AKAP8L: variants seen among roughly 807,000 people sequenced by gnomAD.
The protein encoded by AKAP8L is A-kinase anchor protein 8-like.
Under a neutral mutation model 77.5 loss-of-function variants are expected in AKAP8L, and 34 were observed. That is an observed-to-expected ratio of 0.44 (90% confidence interval 0.33 to 0.58). The LOEUF is 0.58. AKAP8L is among the 20% of genes least tolerant of loss of function. The pLI is 0.02. For synonymous variants in AKAP8L, 342 were observed against 340.7 expected (o/e 1.00, Z -0.04); for missense variants, 806 against 887.6 (o/e 0.91, Z 1.17).
Position 15,403,826 on chromosome 19 carries a change from G to A in AKAP8L, c.122-111C>T, listed in dbSNP as rs1967948351. The A allele has an allele frequency of 2.7e-6, 3 of 1,106,504 alleles. No homozygotes were observed. The highest frequency in any genetic ancestry group is 4.1e-4 in the Middle Eastern group (2 of 4,896). 68.5% of individuals were successfully genotyped at this position (1,106,504 alleles called of 1,614,324 possible). A position where few individuals can be genotyped will look rare whatever the true frequency, so the allele number is the denominator to read the frequency against. ...GGTATCTTCTGTCACAGAGAGAGAA[G>A]ACCCTAGCCACTGAAGCTAGATGGG... On this transcript the variant is annotated intron_variant, in intron 3 of 13. Transcript: ENST00000397410. This position sits in a 1 kb window ranked among gnomAD's most constrained non-coding sequence, Gnocchi z 4.3.
Position 15,380,510 on chromosome 19 carries a change from G to GCCT in AKAP8L, c.1632+4_1632+6dup. The GCCT allele has an allele frequency of 6.2e-7, 1 of 1,613,824 alleles. No homozygotes were observed. The highest frequency in any genetic ancestry group is 2.2e-5 in the East Asian group (1 of 44,882). ...GGGGACAGGGCAGGCCCGGACCAGT[G>GCCT]CCTCACCTTCAGGTAGCGCTCCAGC... is the stretch of plus-strand genomic sequence containing the variant. On this transcript the variant is annotated splice_region_variant and intron_variant, in intron 13 of 13. Transcript: ENST00000397410.
Position 15,403,697 on chromosome 19 carries a change from T to G in AKAP8L, c.140A>C (p.Tyr47Ser), listed in dbSNP as rs530480401. The stretch of plus-strand genomic sequence containing the variant: ...GTTATCCTGGCCATAGCCATAGCCA[T>G]AGCCATAGCCCTCGTAGCCTGCAGT... Reference protein sequence around the residue: ...GTNRGYEGYGYGYGYGQDNTT... With the variant: ...GTNRGYEGYGSGYGYGQDNTT... Residue 47 changes from tyrosine to serine, a missense_variant, in exon 4 of 14, where the codon TAT becomes TCT. By Grantham distance (144) the Tyr-to-Ser change is moderately radical. Coordinates refer to ENST00000397410, the MANE Select transcript of AKAP8L (RefSeq NM_014371.4). This position sits in a 1 kb window ranked among gnomAD's most constrained non-coding sequence, Gnocchi z 4.3. 1.3e-6 allele frequency: 2 copies of G among 1,594,202 alleles called. No individual in the cohort carries two copies. Among genetic ancestry groups the G allele is most frequent in the Non-Finnish European group, 1.7e-6 (2 of 1,170,174 alleles).
chr19:15,389,640 G>A (rs1188080392), intron 12 of AKAP8L, among the ~76,000 whole-genome samples: 1 of 152,146 alleles, frequency 6.6e-6, no homozygotes, highest in Non-Finnish European at 1.5e-5. Flanking sequence ...GCATGGTGGT[G>A]TGCACCTGTA....
chr19:15,416,354 G>A (rs1012233656), intron 1 of AKAP8L, among the ~76,000 whole-genome samples: 1 of 152,168 alleles, frequency 6.6e-6, no homozygotes, highest in Admixed American at 6.5e-5. Context: ...ATGACTGAGT[G>A]TGACTTCTGG....
At chr19:15,411,582 C>T (rs1168538475) in intron 1 of AKAP8L, among the ~76,000 whole-genome samples, 2 of 152,090 alleles carry the variant, frequency 1.3e-5, no homozygotes, top group Non-Finnish European at 2.9e-5. Flanking sequence ...TATGATTGCG[C>T]CACTGCATTC....
In AKAP8L at chr19:15,397,696, T is replaced by C. The variant is rs779190730; in HGVS notation, c.1299+18A>G. The stretch of plus-strand genomic sequence containing the variant: ...GGGTCCAAGAAACTAAGAGCGGCTG[T>C]GTTACTCCAAGGCTCACCTGCAGAA... On this transcript the variant is annotated intron_variant, in intron 10 of 13. Coordinates refer to ENST00000397410, the MANE Select transcript of AKAP8L (RefSeq NM_014371.4). The surrounding 1 kb of genome is among the most constrained non-coding windows in gnomAD (Gnocchi z 4.7). 1.2e-5 allele frequency: 19 copies of C among 1,613,852 alleles called. No individual in the cohort carries two copies. Among genetic ancestry groups the C allele is most frequent in the Non-Finnish European group, 1.6e-5 (19 of 1,179,850 alleles).
chr19:15,387,699 G>A (rs1003583844), intron 12 of AKAP8L, among the ~76,000 whole-genome samples: 2 of 152,166 alleles, frequency 1.3e-5, no homozygotes, highest in African/African-American at 4.8e-5. Context: ...AGTGGCTGAC[G>A]CCTGTAATCC....
In AKAP8L at chr19:15,401,363, C is replaced by A. The variant is rs1385255976; in HGVS notation, c.603G>T (p.Trp201Cys). 1 of 1,613,216 alleles carries A rather than the reference C, an allele frequency of 6.2e-7. No individual in the cohort carries two copies. The highest frequency in any genetic ancestry group is 8.5e-7 in the Non-Finnish European group (1 of 1,179,840). Reference sequence around the variant, plus strand: ...GGCCCCGGGCCCCCATGGGGTCTTCCCACATGCGCCCATAGCCTGAGGCCA... The same window carrying A: ...GGCCCCGGGCCCCCATGGGGTCTTCACACATGCGCCCATAGCCTGAGGCCA... Reference protein sequence around the residue: ...RPMASGYGRMWEDPMGARGQC... With the variant: ...RPMASGYGRMCEDPMGARGQC... The change falls in exon 5 of 14, where the codon TGG (tryptophan) becomes TGT (cysteine). Residue 201 changes from tryptophan to cysteine, a missense_variant. Trp to Cys is a radical substitution (Grantham distance 215). Around this residue, in one of 2 missense-constraint regions of AKAP8L, gnomAD observed 580 missense variants for 694.1 expected, o/e 0.84. Coordinates refer to ENST00000397410, the MANE Select transcript of AKAP8L (RefSeq NM_014371.4). This position sits in a 1 kb window ranked among gnomAD's most constrained non-coding sequence, Gnocchi z 6.2.
At position 15,388,871 on chromosome 19, in the gene AKAP8L, G is replaced by C. The variant is rs1288516803; in HGVS notation, c.1537-8259C>G. 2.3e-4 allele frequency among the ~76,000 whole-genome samples: 35 copies of C among 150,298 alleles called. No individual in the cohort carries two copies. In the Admixed American group the frequency reaches 2.3e-3, roughly 10 times the overall value. ...GCGGAGCTTGCAGTGAGCCGAGATC[G>C]CGCCACTGCACTCCAGCCTGGGCGA... On this transcript the variant is annotated intron_variant, in intron 12 of 13. Coordinates refer to ENST00000397410, the MANE Select transcript of AKAP8L (RefSeq NM_014371.4).
chr19:15,414,731 GCCCA>G (rs1307740634), intron 1 of AKAP8L, among the ~76,000 whole-genome samples: 1 of 151,850 alleles, frequency 6.6e-6, no homozygotes, highest in Non-Finnish European at 1.5e-5. Flanking sequence ...CTCGTGATCC[GCCCA>G]CCTCGGCCTC....
intron 12 of AKAP8L, among the ~76,000 whole-genome samples, chr19:15,394,416 A>G (rs1967726580): frequency 6.6e-6 from 1 of 152,194 alleles, no homozygotes; most frequent in Non-Finnish European, 1.5e-5. Flanking sequence ...GGAGGAGGAC[A>G]AGAGGTTGGG....
At chr19:15,382,353 C>T (rs1967437152) in intron 12 of AKAP8L, among the ~76,000 whole-genome samples, 2 of 152,056 alleles carry the variant, frequency 1.3e-5, no homozygotes, top group African/African-American at 4.8e-5. Context: ...GGGCACGCAC[C>T]ACCACACCCA....
chr19:15,400,017 G>C, intron 8 of AKAP8L: 1 of 547,856 alleles, frequency 1.8e-6, no homozygotes, highest in South Asian at 2.3e-5. Context: ...CGTGCCTGGG[G>C]TTCCCCACAC....
rs748987407 is a variant in AKAP8L, at chr19:15,397,878, G to A, written c.1158-23C>T. On this transcript the variant is annotated intron_variant, in intron 9 of 13. Transcript: ENST00000397410. This position sits in a 1 kb window ranked among gnomAD's most constrained non-coding sequence, Gnocchi z 4.7. ...ATCCTGCCACAGGAAGGAAACGAGG[G>A]GCTGAGGCTGCAAGTGTCCCAGGGG... 1.2e-6 allele frequency: 2 copies of A among 1,610,744 alleles called. No homozygotes were observed. Among genetic ancestry groups the A allele is most frequent in the Admixed American group, 3.4e-5 (2 of 59,390 alleles).
At chr19:15,395,035 C>CTT (rs1035635061) in intron 12 of AKAP8L, among the ~76,000 whole-genome samples, 1 of 143,712 alleles carries the variant, frequency 7.0e-6, no homozygotes. Context: ...TATTTTCCAA[C>CTT]TTTTTTTTTT....
chr19:15,388,278 T>C (rs1967582734), intron 12 of AKAP8L, among the ~76,000 whole-genome samples: 2 of 151,966 alleles, frequency 1.3e-5, no homozygotes, highest in Non-Finnish European at 2.9e-5. Context: ...GGGGGATCAG[T>C]GCCCAGAGTT....
chr19:15,397,934 C>A lies in AKAP8L; in HGVS notation c.1158-79G>T, dbSNP rs746480699. ...GCTGCCGCCTCACCCAACCCAGACA[C>A]AAGCCCTGAAACAGGCCTTGCTCAC... On this transcript the variant is annotated intron_variant, in intron 9 of 13. Transcript: ENST00000397410. This position sits in a 1 kb window ranked among gnomAD's most constrained non-coding sequence, Gnocchi z 4.7. The A allele has an allele frequency of 2.6e-6, 4 of 1,544,702 alleles. No homozygotes were observed. Among genetic ancestry groups the A allele is most frequent in the Non-Finnish European group, 3.5e-6 (4 of 1,141,908 alleles).
chr19:15,395,983 C>CAAAAA lies in AKAP8L; in HGVS notation c.1536+1162_1536+1166dup, dbSNP rs751904092. ...TGGGCGACAGAGCGAGACTCCGTCT[C>CAAAAA]AAAAAAAAAAAAAAAAAAAGAATCT... On this transcript the variant is annotated intron_variant, in intron 12 of 13. Coordinates refer to ENST00000397410, the MANE Select transcript of AKAP8L (RefSeq NM_014371.4). 1.9e-3 allele frequency among the ~76,000 whole-genome samples: 78 copies of CAAAAA among 40,470 alleles called. 3 individuals carry two copies. The highest frequency in any genetic ancestry group is 2.1e-3 in the Non-Finnish European group (48 of 22,480). The allele number at this position is 40,470 out of a possible 152,430, so 26.5% of individuals were successfully genotyped here.
At chr19:15,390,418 CA>C (rs34396645) in intron 12 of AKAP8L, among the ~76,000 whole-genome samples, 81,380 of 109,334 alleles carry the variant, frequency 0.74, 28,767 homozygotes, top group East Asian at 0.92. Flanking sequence ...GACCCTGTCT[CA>C]AAAAAAAAAA....
Sources: allele counts gnomAD v4.1 joint callset (sites outside exome capture counted in the v4.1 genomes callset), GRCh38; gene constraint gnomAD v4.1.1; regional missense constraint gnomAD v4.1.1; non-coding constraint Gnocchi (gnomAD v3.1); transcripts MANE v1.5; gene names NCBI Gene and HGNC (gene_info 2026-07-23, HGNC 2026-07-21).